APOB: variants seen among roughly 807,000 people sequenced by gnomAD.
APOB encodes apolipoprotein B-100.
A neutral mutation model predicts 314.1 loss-of-function variants in APOB; 153 were observed. The ratio of observed to expected loss-of-function variants is 0.49; its 90% CI spans 0.43 to 0.56. The LOEUF (loss-of-function observed/expected upper bound fraction) is 0.56. Among genes scored for constraint, APOB ranks in the 20% least tolerant of loss-of-function variants. The probability of loss-of-function intolerance (pLI) is 0.00; values close to 1 mark genes in which losing one functional copy is unlikely to be tolerated. For synonymous variants in APOB, 2,087 were observed against 2,036.4 expected (o/e 1.02, Z -0.67); for missense variants, 5,430 against 5,350.7 (o/e 1.01, Z -0.46).
chr2:21,032,256 T>C, intron 10 of APOB, 98 bp downstream of exon 10: 1 of 1,109,292 alleles, frequency 9.0e-7, no homozygotes, highest in South Asian at 1.2e-5. Flanking sequence ...GAGCAGAGTT[T>C]GAAAGTGGAA....
chr2:21,013,993 T>A (rs908070355), intron 24 of APOB, among the ~76,000 whole-genome samples: 1 of 152,234 alleles, frequency 6.6e-6, no homozygotes, highest in Non-Finnish European at 1.5e-5. Flanking sequence ...CTAAACTGAA[T>A]TGAGACAACT....
intron 17 of APOB, 54 bp downstream of exon 17, chr2:21,023,471 G>A: frequency 2.5e-6 from 4 of 1,586,980 alleles, no homozygotes; most frequent in Non-Finnish European, 3.5e-6. Context: ...AACAAGAAAT[G>A]CACCCTGGAA....
intron 18 of APOB, among the ~76,000 whole-genome samples, chr2:21,021,053 C>A (rs1481948784): frequency 6.6e-6 from 1 of 152,182 alleles, no homozygotes; most frequent in African/African-American, 2.4e-5. Context: ...TATGTGGAGC[C>A]CAAGCCTCTT....
intron 25 of APOB, 94 bp downstream of exon 25, chr2:21,013,066 A>G: frequency 6.7e-7 from 1 of 1,502,314 alleles, no homozygotes; most frequent in African/African-American, 1.4e-5. Context: ...ATTATCTGCT[A>G]GAAAGCCAAA....
intron 18 of APOB, among the ~76,000 whole-genome samples, chr2:21,020,510 A>C (rs1344215677): frequency 6.6e-6 from 1 of 152,216 alleles, no homozygotes; most frequent in South Asian, 2.1e-4. Context: ...TTGCTCCTAC[A>C]TCCAATGGGC....
intron 20 of APOB, among the ~76,000 whole-genome samples, chr2:21,018,004 A>G (rs1476358519): frequency 1.3e-5 from 2 of 152,070 alleles, no homozygotes; most frequent in Non-Finnish European, 2.9e-5. Flanking sequence ...CCATTCCCTA[A>G]AACCTGCTCC....
At chr2:21,020,596 T>C (rs1234100715) in intron 18 of APOB, among the ~76,000 whole-genome samples, 9 of 152,248 alleles carry the variant, frequency 5.9e-5, no homozygotes, top group Non-Finnish European at 1.5e-5. Context: ...ACTAAGACGC[T>C]GGAGCCTCTC....
rs1572780916 is a variant in APOB at position 21,008,460 on chromosome 2, A to G, written c.8408T>C (p.Val2803Ala). ...ITAKGESKLE[V>A]LNFDFQANAQ... ...ATTTGCTTGAAAATCAAAATTGAGA[A>G]CTTCTAATTTGGACTCTCCTTTGGC... The change falls in exon 26 of 29, where the codon GTT becomes GCT. Residue 2803 changes from valine (V) to alanine (A), a missense_variant. By Grantham distance (64) the Val-to-Ala change is moderately conservative (BLOSUM62 0). This residue lies in a region of APOB where 3,281 missense variants were observed against 3,171.0 expected (regional missense o/e 1.03). Transcript: ENST00000233242. 13 of 1,614,056 alleles carry G rather than the reference A, an allele frequency of 8.1e-6. No homozygotes were observed. Among genetic ancestry groups the G allele is most frequent in the South Asian group, 1.1e-5 (1 of 91,078 alleles).
Position 21,018,770 on chromosome 2 carries a change from T to C in APOB, c.3121+222A>G, listed in dbSNP as rs181346861. ...GTTTGGTTGTTCACTGTAACTTCCA[T>C]GAAGGCAGAGACTCCATTGTTCACT... is the stretch of plus-strand genomic sequence containing the variant. On this transcript the variant is annotated intron_variant, in intron 20 of 28. Coordinates refer to ENST00000233242, the MANE Select transcript of APOB (RefSeq NM_000384.3). Among the ~76,000 whole-genome samples, 422 of 152,346 alleles carry C rather than the reference T, an allele frequency of 2.8e-3. 3 individuals are homozygous for C. Among genetic ancestry groups the C allele is most frequent in the Non-Finnish European group, 5.0e-3 (340 of 68,026 alleles).
chr2:21,026,917 A>C lies in APOB; in HGVS notation c.2115T>G (p.Phe705Leu), dbSNP rs747520197. The C allele has an allele frequency of 9.9e-6, 16 of 1,614,078 alleles. No homozygotes were observed. The African/African-American group carries it at 1.6e-4, about 16-fold the overall frequency. Residue 705 changes from phenylalanine (F) to leucine (L), a missense_variant, in exon 15 of 29, where the codon TTT becomes TTG. Around this residue, in one of 3 missense-constraint regions of APOB, gnomAD observed 2,085 missense variants for 2,079.7 expected, o/e 1.00. Coordinates refer to ENST00000233242, the MANE Select transcript of APOB (RefSeq NM_000384.3). The part of the protein sequence containing the change: ...KGFEPTLEAL[F>L]GKQGFFPDSV... ...TGTCTGGGAAAAATCCTTGCTTCCC[A>C]AAAAGAGCTTCCAATGTTGGCTCAA...
Position 21,035,704 on chromosome 2 carries a change from C to A in APOB, c.698G>T (p.Arg233Leu). The change falls in exon 7 of 29, where the codon CGC (arginine) becomes CTC (leucine). Residue 233 changes from arginine to leucine, a missense_variant. This residue lies in a region of APOB where 2,085 missense variants were observed against 2,079.7 expected (regional missense o/e 1.00). Transcript: ENST00000233242. ...SPLALIKGMT[R>L]PLSTLISSSQ... Reference sequence around the variant, plus strand: ...GCTGCTGATCAGAGTTGACAAGGGGCGGGTCTATGAAAGAGATTGGAGACG... The same window carrying A: ...GCTGCTGATCAGAGTTGACAAGGGGAGGGTCTATGAAAGAGATTGGAGACG... The A allele has an allele frequency of 1.9e-6, 3 of 1,613,922 alleles. No individual in the cohort carries two copies. Among genetic ancestry groups the A allele is most frequent in the South Asian group, 1.1e-5 (1 of 91,062 alleles).
rs762662376 is a variant in APOB at position 21,015,505 on chromosome 2, A to C, written c.3373T>G (p.Ser1125Ala). The C allele has an allele frequency of 1.5e-5, 24 of 1,613,870 alleles. No individual in the cohort carries two copies. Among genetic ancestry groups the C allele is most frequent in the Admixed American group, 3.3e-5 (2 of 59,996 alleles). ...KEERKIKGVI[S>A]IPRLQAEARS... ...GCTTCTGCTTGCAAACGGGGTATGG[A>C]AATAACACCCTTGATTTTTCTTTCT... Residue 1125 changes from serine to alanine, a missense_variant, in exon 22 of 29, where the codon TCC becomes GCC. Coordinates refer to ENST00000233242, the MANE Select transcript of APOB (RefSeq NM_000384.3).
chr2:21,011,972 G>A lies in APOB; in HGVS notation c.4896C>T (p.Gly1632=). 6.2e-7 allele frequency: 1 copy of A among 1,614,072 alleles called. No homozygotes were observed. The highest frequency in any genetic ancestry group is 8.5e-7 in the Non-Finnish European group (1 of 1,180,022). ...HGLELNADIL[G]TDKINSGAHK... is the part of the protein sequence containing the mutation. ...GAGCACCACTATTAATTTTGTCAGT[G>A]CCTAAGATGTCAGCATTTAACTCAA... The change falls in exon 26 of 29, where the codon GGC becomes GGT. Residue 1632 remains glycine (G), a synonymous_variant. Transcript: ENST00000233242.
intron 4 of APOB, among the ~76,000 whole-genome samples, chr2:21,040,150 C>T (rs564234162): frequency 6.6e-6 from 1 of 152,294 alleles, no homozygotes; most frequent in Non-Finnish European, 1.5e-5. Context: ...CTTTGCCAGC[C>T]ACCATCTACA....
At position 21,026,914 on chromosome 2, in the gene APOB, C is replaced by T. The variant is rs1159654255; in HGVS notation, c.2118G>A (p.Gly706=). Residue 706 remains glycine, a synonymous_variant, in exon 15 of 29, where the codon GGG becomes GGA. Coordinates refer to ENST00000233242, the MANE Select transcript of APOB (RefSeq NM_000384.3). ...CACTGTCTGGGAAAAATCCTTGCTT[C>T]CCAAAAAGAGCTTCCAATGTTGGCT... ...GFEPTLEALF[G]KQGFFPDSVN... 6.2e-7 allele frequency: 1 copy of T among 1,614,058 alleles called. No homozygotes were observed. Among genetic ancestry groups the T allele is most frequent in the African/African-American group, 1.3e-5 (1 of 74,922 alleles).
At position 21,032,377 on chromosome 2, in the gene APOB, A is replaced by C; in HGVS notation, c.1329T>G (p.Tyr443Ter). 1 of 1,613,840 alleles carries C rather than the reference A, an allele frequency of 6.2e-7. No individual in the cohort carries two copies. Residue 443 changes from tyrosine to a stop codon, truncating the protein, a stop_gained, in exon 10 of 29, where the codon TAT (tyrosine) becomes TAG (stop). Transcript: ENST00000233242. LOFTEE classifies it high-confidence loss of function. ...ACTTGTTGACCGCGTGGCTCAGCGCATACAAGGTGGCTCGGCTGCGCTGAT... is the reference window on the plus strand; with the variant it reads ...ACTTGTTGACCGCGTGGCTCAGCGCCTACAAGGTGGCTCGGCTGCGCTGAT... The part of the protein sequence containing the change: ...ARDQRSRATL[Y>*]ALSHAVNNYH...
chr2:21,036,941 C>T (rs1267013100), intron 6 of APOB, among the ~76,000 whole-genome samples, 159 bp downstream of exon 6: 2 of 152,162 alleles, frequency 1.3e-5, no homozygotes, highest in South Asian at 2.1e-4. Flanking sequence ...GAAGCCTGGG[C>T]AGACCTTCCC....
At position 21,010,034 on chromosome 2, in the gene APOB, G is replaced by C; in HGVS notation, c.6834C>G (p.Ile2278Met). The C allele has an allele frequency of 6.2e-7, 1 of 1,613,568 alleles. No individual in the cohort carries two copies. Among genetic ancestry groups the C allele is most frequent in the East Asian group, 2.2e-5 (1 of 44,850 alleles). The change falls in exon 26 of 29, where the codon ATC becomes ATG. Residue 2278 changes from isoleucine (I) to methionine (M), a missense_variant. Transcript: ENST00000233242. ...QLKRHIQNID[I>M]QHLAGKLKQH... ...GTTTTAACTTTCCAGCTAGGTGCTG[G>C]ATGTCTATATTCTGTATGTGTCTCT... is the stretch of plus-strand genomic sequence containing the variant.
chr2:21,022,160 T>C (rs978343399), intron 18 of APOB, among the ~76,000 whole-genome samples: 1 of 152,022 alleles, frequency 6.6e-6, no homozygotes, highest in African/African-American at 2.4e-5. Flanking sequence ...AGAGATGGGG[T>C]TTTGCCATGT....
Sources: allele counts gnomAD v4.1 joint callset (sites outside exome capture counted in the v4.1 genomes callset), GRCh38; gene constraint gnomAD v4.1.1; regional missense constraint gnomAD v4.1.1; transcripts MANE v1.5; gene names NCBI Gene and HGNC (gene_info 2026-07-23, HGNC 2026-07-21).